Variants in ST7 observed in about 807,000 individuals in gnomAD.
ST7 encodes the protein suppression of tumorigenicity 7, also known as suppressor of tumorigenicity 7 protein.
Under a neutral mutation model 78.7 loss-of-function variants are expected in ST7, and 28 were observed. The ratio of observed to expected loss-of-function variants is 0.36; its 90% CI spans 0.26 to 0.49. The LOEUF (loss-of-function observed/expected upper bound fraction) is 0.49. Ranked by LOEUF, ST7 falls within the 20% of genes least tolerant of loss-of-function variation. The pLI is 0.99. For missense variants in ST7, 418 were observed against 696.0 expected (o/e 0.60, Z 4.49); for synonymous variants, 247 against 249.6 (o/e 0.99, Z 0.10).
chr7:117,077,560 CA>C (rs1352053713), intron 1 of ST7, among the ~76,000 whole-genome samples: 1 of 152,166 alleles, frequency 6.6e-6, no homozygotes, highest in Non-Finnish European at 1.5e-5. Flanking sequence ...GAAAGAGTCA[CA>C]TTTAGGAATC....
intron 1 of ST7, 142 bp downstream of exon 1, chr7:116,953,833 C>G: frequency 2.2e-6 from 1 of 452,664 alleles, no homozygotes; most frequent in Non-Finnish European, 2.9e-6. Context: ...TACCCGCCAG[C>G]AACGCGGCGG....
intron 1 of ST7, among the ~76,000 whole-genome samples, chr7:117,005,613 G>A (rs1034643505): frequency 6.6e-6 from 1 of 152,032 alleles, no homozygotes; most frequent in Non-Finnish European, 1.5e-5. Flanking sequence ...AAGTGCTGAT[G>A]GACTGTGGAA....
rs747229687 is a variant in ST7, at chr7:116,953,520, A to C, written c.-21A>C. ...CCCGGCAGACACCAAGAGCCGCGGC[A>C]GCAGAGAGGAGCGCTGAAACATGGC... On this transcript the variant is annotated 5_prime_UTR_variant, in exon 1 of 16. Transcript: ENST00000323984. The C allele has an allele frequency of 7.5e-7, 1 of 1,328,530 alleles. No homozygotes were observed. The highest frequency in any genetic ancestry group is 1.8e-5 in the South Asian group (1 of 55,768). 82.3% of individuals were successfully genotyped at this position (1,328,530 alleles called of 1,614,324 possible).
intron 1 of ST7, among the ~76,000 whole-genome samples, chr7:117,080,130 G>A (rs953119323): frequency 6.6e-4 from 100 of 151,538 alleles, no homozygotes; most frequent in Middle Eastern, 3.4e-3. Context: ...ACAGGCGCCC[G>A]CCACTACGCC....
chr7:117,076,063 T>C (rs544397758), intron 1 of ST7, among the ~76,000 whole-genome samples: 1 of 152,312 alleles, frequency 6.6e-6, no homozygotes, highest in Admixed American at 6.5e-5. Flanking sequence ...ACCTGCTATA[T>C]AAACTCCTGG....
At chr7:116,955,030 C>T (rs1225367063) in intron 1 of ST7, 2 of 444,378 alleles carry the variant, frequency 4.5e-6, no homozygotes, top group African/African-American at 4.1e-5. Flanking sequence ...CTAGAATTGT[C>T]TCACCATTTG....
intron 3 of ST7, among the ~76,000 whole-genome samples, chr7:117,123,940 A>G (rs1002790566): frequency 7.9e-5 from 12 of 152,278 alleles, no homozygotes; most frequent in African/African-American, 2.6e-4. Flanking sequence ...CAAACTGGAT[A>G]GTCACTTGGC....
chr7:117,203,629 A>G (rs1811075679), intron 12 of ST7, among the ~76,000 whole-genome samples: 1 of 152,178 alleles, frequency 6.6e-6, no homozygotes, highest in Non-Finnish European at 1.5e-5. Context: ...CTCAGACACA[A>G]TGCTCTCCAT....
intron 9 of ST7, chr7:117,146,044 T>C (rs1011555068): frequency 6.6e-6 from 1 of 152,122 alleles, no homozygotes; most frequent in Non-Finnish European, 1.5e-5. Flanking sequence ...TTTTTAGTTT[T>C]TATCAATAAC....
chr7:117,083,324 C>A (rs1374808477), intron 1 of ST7, among the ~76,000 whole-genome samples: 1 of 152,140 alleles, frequency 6.6e-6, no homozygotes, highest in Non-Finnish European at 1.5e-5. Flanking sequence ...TGCAGTGGCA[C>A]AATCTTGGCT....
chr7:117,080,271 T>C (rs534929844), intron 1 of ST7, among the ~76,000 whole-genome samples: 1 of 152,282 alleles, frequency 6.6e-6, no homozygotes, highest in East Asian at 1.9e-4. Context: ...ACTGTCCTTA[T>C]GTTTGTGTAC....
intron 12 of ST7, among the ~76,000 whole-genome samples, chr7:117,204,807 T>TTG (rs1791586055): frequency 6.6e-6 from 1 of 151,744 alleles, no homozygotes; most frequent in Non-Finnish European, 1.5e-5. Context: ...GTTTGTATGT[T>TTG]TGTGTGTGTG....
chr7:117,093,777 C>T (rs542080719), intron 1 of ST7, among the ~76,000 whole-genome samples: 2 of 152,212 alleles, frequency 1.3e-5, no homozygotes, highest in African/African-American at 2.4e-5. Context: ...TGAGGTCTGC[C>T]GTATTAGGCA....
chr7:117,225,507 C>T (rs1793379411), intron 15 of ST7, among the ~76,000 whole-genome samples: 1 of 152,056 alleles, frequency 6.6e-6, no homozygotes, highest in Admixed American at 6.6e-5. Context: ...TGAGACAAGC[C>T]CCTTCTCCCG....
chr7:117,217,622 C>A lies in ST7; in HGVS notation c.1406-1462C>A, dbSNP rs139258928. ...GCTTGTTCTAGCGGGCAAAAGTCAT[C>A]TTTGTTTGCGTGCAAGAAAAGGTCT... On this transcript the variant is annotated intron_variant, in intron 13 of 15. Coordinates refer to ENST00000323984, the MANE Select transcript of ST7 (RefSeq NM_001369598.1). Among the ~76,000 whole-genome samples the A allele has an allele frequency of 1.4e-3, 208 of 152,308 alleles. 1 individual carries two copies. The highest frequency in any genetic ancestry group is 4.8e-3 in the African/African-American group (199 of 41,566).
intron 6 of ST7, among the ~76,000 whole-genome samples, chr7:117,132,453 C>G (rs1695649508): frequency 6.6e-6 from 1 of 151,722 alleles, no homozygotes; most frequent in Non-Finnish European, 1.5e-5. Flanking sequence ...CTGTGGGTTA[C>G]CAAGGAAGGC....
chr7:117,038,322 C>T (rs375988700), intron 1 of ST7, among the ~76,000 whole-genome samples: 1 of 152,118 alleles, frequency 6.6e-6, no homozygotes, highest in East Asian at 1.9e-4. Flanking sequence ...TTTCTTAATG[C>T]TAGGGTGAGA....
In ST7 at chr7:117,064,831, G is replaced by T. The variant is rs1388291836; in HGVS notation, c.152-34931G>T. On this transcript the variant is annotated intron_variant, in intron 1 of 15. Transcript: ENST00000323984. ...TTTAAGAGTTTCCCGGGAAGTGCGT[G>T]CCATGGAACAGGAGTTGATGGATCC... Among the ~76,000 whole-genome samples, 3 of 152,314 alleles carry T rather than the reference G, an allele frequency of 2.0e-5. No homozygotes were observed. In the East Asian group the frequency reaches 5.8e-4, roughly 29 times the overall value.
intron 3 of ST7, among the ~76,000 whole-genome samples, chr7:117,127,648 ATAGT>A (rs538060255): frequency 6.6e-6 from 1 of 151,928 alleles, no homozygotes; most frequent in South Asian, 2.1e-4. Context: ...AGTTTTAGGG[ATAGT>A]TAAACTGAAT....
Sources: allele counts gnomAD v4.1 joint callset (sites outside exome capture counted in the v4.1 genomes callset), GRCh38; gene constraint gnomAD v4.1.1; transcripts MANE v1.5; gene names NCBI Gene and HGNC (gene_info 2026-07-23, HGNC 2026-07-21).